PKHD1L1: variants seen among roughly 807,000 people sequenced by gnomAD.
PKHD1L1 encodes fibrocystin-L.
In PKHD1L1, 434 loss-of-function variants were observed where a neutral mutation model predicts 462.9. The ratio of observed to expected loss-of-function variants is 0.94; its 90% CI spans 0.87 to 1.02. PKHD1L1 has a LOEUF of 1.02. PKHD1L1 is among the 50% of genes least tolerant of loss of function. PKHD1L1 has a pLI of 0.00. For missense variants in PKHD1L1, 5,202 were observed against 5,096.1 expected, an observed-to-expected ratio of 1.02 and a Z score of -0.63; for synonymous variants, 1,781 against 1,750.0, an observed-to-expected ratio of 1.02 and a Z score of -0.44.
In PKHD1L1 at chr8:109,429,366, A is replaced by G. The variant is rs1399162541; in HGVS notation, c.3027A>G (p.Glu1009=). 1 of 1,542,364 alleles carries G rather than the reference A, an allele frequency of 6.5e-7. No homozygotes were observed. The highest frequency in any genetic ancestry group is 1.2e-5 in the South Asian group (1 of 85,762). ...LQINDSNIIG[E]KANMTVTRIK... ...TTAATGATTCCAACATTATTGGAGA[A>G]AAGGCTAATATGACAGTTACAAGGA... The change falls in exon 26 of 78, where the codon GAA becomes GAG. Residue 1009 remains glutamate, a synonymous_variant. Coordinates refer to ENST00000378402, the MANE Select transcript of PKHD1L1 (RefSeq NM_177531.6).
intron 40 of PKHD1L1, 86 bp downstream of exon 40, chr8:109,449,573 A>G: frequency 8.0e-7 from 1 of 1,249,900 alleles, no homozygotes; most frequent in African/African-American, 1.5e-5. Context: ...AAGTTCTTGG[A>G]TTCCTTGGAG....
At chr8:109,497,457 G>T (rs1230033198) in intron 65 of PKHD1L1, among the ~76,000 whole-genome samples, 185 bp downstream of exon 65, 4 of 142,028 alleles carry the variant, frequency 2.8e-5, no homozygotes, top group Non-Finnish European at 6.1e-5. Context: ...TTTTGAGATG[G>T]AGTCTCGCTC....
Position 109,396,039 on chromosome 8 carries a change from T to A in PKHD1L1, c.824T>A (p.Ile275Asn). 6.3e-7 allele frequency: 1 copy of A among 1,598,998 alleles called. No individual in the cohort carries two copies. The highest frequency in any genetic ancestry group is 8.5e-7 in the Non-Finnish European group (1 of 1,172,422). Residue 275 changes from isoleucine to asparagine, a missense_variant, in exon 11 of 78, where the codon ATT (isoleucine) becomes AAT (asparagine). Around this residue, in one of 3 missense-constraint regions of PKHD1L1, gnomAD observed 4,497 missense variants for 4,336.8 expected, o/e 1.04. Coordinates refer to ENST00000378402, the MANE Select transcript of PKHD1L1 (RefSeq NM_177531.6). ...MFQTYAEVTM[I>N]FPSQGSIRGG... is the part of the protein sequence containing the mutation. ...GGTTTTCCCCCAGAGGTCACCATGA[T>A]TTTCCCTTCACAAGGAAGCATTCGA...
chr8:109,488,436 T>G (rs1818664381), intron 59 of PKHD1L1, among the ~76,000 whole-genome samples: 1 of 152,028 alleles, frequency 6.6e-6, no homozygotes, highest in Non-Finnish European at 1.5e-5. Context: ...TTTTCTAAGC[T>G]TCTTTACTTT....
Position 109,435,352 on chromosome 8 carries a change from C to A in PKHD1L1, c.3503C>A (p.Ala1168Glu). 1 of 1,611,318 alleles carries A rather than the reference C, an allele frequency of 6.2e-7. No homozygotes were observed. Among genetic ancestry groups the A allele is most frequent in the Non-Finnish European group, 8.5e-7 (1 of 1,178,362 alleles). Reference protein sequence around the residue: ...SHIWPDSGSIAGGTLLTLSGF... With the variant: ...SHIWPDSGSIEGGTLLTLSGF... ...ATCTGGCCTGATTCTGGAAGCATAG[C>A]AGGTAATGGTTAATAGTTTAAACAG... Residue 1168 changes from alanine (A) to glutamate (E), a missense_variant and splice_region_variant, in exon 29 of 78, where the codon GCA (alanine) becomes GAA (glutamate). Transcript: ENST00000378402.
Position 109,446,216 on chromosome 8 carries a change from T to C in PKHD1L1, c.5776+571T>C, listed in dbSNP as rs1051047579. Among the ~76,000 whole-genome samples, 56 of 152,240 alleles carry C rather than the reference T, an allele frequency of 3.7e-4. 1 individual carries two copies. The highest frequency in any genetic ancestry group is 1.0e-4 in the Non-Finnish European group (7 of 68,042). On this transcript the variant is annotated intron_variant, in intron 38 of 77. Transcript: ENST00000378402. ...ATATCTTCTTAGTCCTTTGTCATTA[T>C]GCTATGCTATTTCTGATTATCTTCG...
intron 2 of PKHD1L1, among the ~76,000 whole-genome samples, chr8:109,366,380 G>C (rs1293524188): frequency 6.6e-6 from 1 of 152,172 alleles, no homozygotes; most frequent in African/African-American, 2.4e-5. Flanking sequence ...GTCTTTCTCA[G>C]AGGCTGAGTC....
At chr8:109,446,634 G>C (rs970198337) in intron 38 of PKHD1L1, among the ~76,000 whole-genome samples, 2 of 152,122 alleles carry the variant, frequency 1.3e-5, no homozygotes, top group African/African-American at 4.8e-5. Context: ...TGAAAAATGT[G>C]AACAATAACA....
At chr8:109,480,581 G>C in intron 55 of PKHD1L1, 1 of 455,426 alleles carries the variant, frequency 2.2e-6, no homozygotes, top group Middle Eastern at 3.3e-4. Flanking sequence ...AAATGTTACA[G>C]TTATTCGGAA....
chr8:109,533,103 C>T lies in PKHD1L1; in HGVS notation c.*3013C>T, dbSNP rs1821076588. Among the ~76,000 whole-genome samples, 1 of 152,180 alleles carries T rather than the reference C, an allele frequency of 6.6e-6. No individual in the cohort carries two copies. The highest frequency in any genetic ancestry group is 1.5e-5 in the Non-Finnish European group (1 of 68,036). ...CAATTTAACTCCAGAGCCCAAATTC[C>T]AACATTTAATTGCTTCCCACTTTTC... On this transcript the variant is annotated 3_prime_UTR_variant, in exon 78 of 78. Transcript: ENST00000378402.
rs576580259 is a variant in PKHD1L1 at position 109,460,481 on chromosome 8, C to T, written c.7246+645C>T. Among the ~76,000 whole-genome samples, 313 of 152,124 alleles carry T rather than the reference C, an allele frequency of 2.1e-3. 2 individuals carry two copies. Among genetic ancestry groups the T allele is most frequent in the African/African-American group, 7.2e-3 (298 of 41,530 alleles). On this transcript the variant is annotated intron_variant, in intron 47 of 77. Coordinates refer to ENST00000378402, the MANE Select transcript of PKHD1L1 (RefSeq NM_177531.6). The stretch of plus-strand genomic sequence containing the variant: ...TGAGCCAGTGGGGGTAGGCTAAGTC[C>T]GAGTTTTTCAAAGTCAGCTCTGTTG...
At position 109,480,092 on chromosome 8, in the gene PKHD1L1, T is replaced by C; in HGVS notation, c.9280T>C (p.Ser3094Pro). ...TAAATACAATGTAGGAGCTGCAGAA[T>C]CTTCTTACAGAGAAGTTGTTTTGAA... ...EDKYNVGAAESSYREVVLNAT... is the reference protein window; with the variant it reads ...EDKYNVGAAEPSYREVVLNAT... Residue 3094 changes from serine to proline, a missense_variant, in exon 55 of 78, where the codon TCT becomes CCT. Transcript: ENST00000378402. 1 of 1,579,804 alleles carries C rather than the reference T, an allele frequency of 6.3e-7. No homozygotes were observed. Among genetic ancestry groups the C allele is most frequent in the Non-Finnish European group, 8.6e-7 (1 of 1,162,344 alleles).
In PKHD1L1 at chr8:109,445,400, G is replaced by A. The variant is rs1816077362; in HGVS notation, c.5531G>A (p.Gly1844Asp). The A allele has an allele frequency of 1.2e-6, 2 of 1,613,852 alleles. No homozygotes were observed. The highest frequency in any genetic ancestry group is 2.7e-5 in the African/African-American group (2 of 74,918). Reference protein sequence around the residue: ...ASLSPTSGSIGGGTTLVITGN... With the variant: ...ASLSPTSGSIDGGTTLVITGN... ...CTATCACCAACTTCTGGAAGCATTG[G>A]TGGTGGAACTACACTGGTGATCACA... The change falls in exon 38 of 78, where the codon GGT becomes GAT. Residue 1844 changes from glycine to aspartate, a missense_variant. By Grantham distance (94) the Gly-to-Asp change is moderately conservative. Transcript: ENST00000378402.
At chr8:109,419,810 T>C (rs554496135) in intron 22 of PKHD1L1, among the ~76,000 whole-genome samples, 6 of 152,198 alleles carry the variant, frequency 3.9e-5, no homozygotes, top group African/African-American at 9.6e-5. Context: ...TTAACCTAAC[T>C]CCAAACAGTC....
chr8:109,366,379 A>G (rs1463722428), intron 2 of PKHD1L1, among the ~76,000 whole-genome samples: 1 of 152,234 alleles, frequency 6.6e-6, no homozygotes, highest in East Asian at 1.9e-4. Context: ...TGTCTTTCTC[A>G]GAGGCTGAGT....
intron 10 of PKHD1L1, among the ~76,000 whole-genome samples, chr8:109,395,538 G>T (rs990463843): frequency 6.6e-6 from 1 of 152,110 alleles, no homozygotes; most frequent in Non-Finnish European, 1.5e-5. Flanking sequence ...ATAAATTTTA[G>T]TAAGAATCTG....
intron 59 of PKHD1L1, 112 bp downstream of exon 59, chr8:109,486,933 A>C: frequency 8.8e-7 from 1 of 1,139,392 alleles, no homozygotes; most frequent in South Asian, 1.7e-5. Context: ...TGGGAAAATA[A>C]AGCATTAAAA....
chr8:109,497,110 A>G, intron 64 of PKHD1L1, 40 bp from the exon 65 acceptor site: 1 of 1,612,734 alleles, frequency 6.2e-7, no homozygotes, highest in African/African-American at 1.3e-5. Flanking sequence ...TTCTTTTATG[A>G]TTGTCCTTAG....
intron 6 of PKHD1L1, 115 bp downstream of exon 6, chr8:109,385,745 GT>G (rs904411592): frequency 6.0e-4 from 287 of 479,724 alleles, no homozygotes; most frequent in South Asian, 1.1e-3. Context: ...ACTAACCAGT[GT>G]TTTTTTTTTC....
Sources: gnomAD v4.1 joint callset for allele counts (sites outside exome capture counted in the v4.1 genomes callset) on GRCh38, gnomAD v4.1.1 for gene constraint, gnomAD v4.1.1 regional missense constraint, MANE v1.5 for transcripts, NCBI Gene and HGNC (gene_info 2026-07-23, HGNC 2026-07-21) for gene names.